Variants in PRORP observed in about 807,000 individuals in gnomAD.
The protein encoded by PRORP is protein only RNase P catalytic subunit.
Under a neutral mutation model 59.4 loss-of-function variants are expected in PRORP, and 51 were observed. The ratio of observed to expected loss-of-function variants is 0.86; its 90% CI spans 0.69 to 1.08. The LOEUF (loss-of-function observed/expected upper bound fraction) is 1.08, where lower values mean the gene tolerates loss of function less well. PRORP is among the 50% of genes least tolerant of loss of function. The probability of loss-of-function intolerance (pLI) is 0.00; values close to 1 mark genes in which losing one functional copy is unlikely to be tolerated. For synonymous variants in PRORP, 231 were observed against 245.6 expected (o/e 0.94, Z 0.55); for missense variants, 646 against 690.3 (o/e 0.94, Z 0.72).
intron 4 of PRORP, among the ~76,000 whole-genome samples, chr14:35,171,111 A>G (rs561971258): frequency 5.3e-5 from 8 of 152,116 alleles, no homozygotes; most frequent in African/African-American, 1.4e-4. Flanking sequence ...GGCCTCCCAA[A>G]GTGCTGGGAT....
intron 4 of PRORP, among the ~76,000 whole-genome samples, chr14:35,179,902 A>G (rs1219666514): frequency 2.0e-5 from 3 of 152,128 alleles, no homozygotes; most frequent in Non-Finnish European, 2.9e-5. Flanking sequence ...TGACAGACAG[A>G]TGGGGTTTTG....
At chr14:35,165,735 A>G (rs911412359) in intron 4 of PRORP, among the ~76,000 whole-genome samples, 5 of 151,812 alleles carry the variant, frequency 3.3e-5, no homozygotes, top group Non-Finnish European at 7.4e-5. Flanking sequence ...GCTGGAGTGC[A>G]GTGGCATGAT....
chr14:35,219,035 C>A (rs2049698403), intron 5 of PRORP: 3 of 152,148 alleles, frequency 2.0e-5, no homozygotes, highest in Admixed American at 2.0e-4. Flanking sequence ...AGGGCCATTT[C>A]TTGGTAATGT....
chr14:35,273,946 T>C lies in PRORP; in HGVS notation c.*380T>C, dbSNP rs1431891566. On this transcript the variant is annotated 3_prime_UTR_variant, in exon 8 of 8. Transcript: ENST00000534898. The stretch of plus-strand genomic sequence containing the variant: ...AGAATCAATCCATCTGTCCCTGAGA[T>C]ACTCATGTTGTTTCAAATGCCTCCT... The C allele has an allele frequency of 6.1e-6, 1 of 162,696 alleles. No individual in the cohort carries two copies. Among genetic ancestry groups the C allele is most frequent in the Non-Finnish European group, 1.3e-5 (1 of 75,022 alleles). 10.1% of individuals were successfully genotyped at this position (162,696 alleles called of 1,614,324 possible).
chr14:35,251,372 C>A (rs571372257), intron 5 of PRORP, among the ~76,000 whole-genome samples: 1 of 152,196 alleles, frequency 6.6e-6, no homozygotes, highest in Non-Finnish European at 1.5e-5. Flanking sequence ...TTTTATATTA[C>A]CACTTAGGAA....
intron 5 of PRORP, among the ~76,000 whole-genome samples, chr14:35,205,176 T>C (rs573243794): frequency 3.9e-5 from 6 of 152,238 alleles, no homozygotes; most frequent in Admixed American, 3.3e-4. Context: ...TAAAAAAATA[T>C]GCAGTTTTTG....
intron 4 of PRORP, among the ~76,000 whole-genome samples, chr14:35,180,350 A>G (rs2048572149): frequency 6.6e-6 from 1 of 152,334 alleles, no homozygotes; most frequent in South Asian, 2.1e-4. Context: ...CATTCTTATC[A>G]TAACTATCAT....
chr14:35,188,941 T>TAAA (rs748540239), intron 5 of PRORP, among the ~76,000 whole-genome samples: 1 of 47,490 alleles, frequency 2.1e-5, no homozygotes, highest in African/African-American at 8.8e-5. Context: ...AGACTCTGTC[T>TAAA]AAAAAAAAAA....
chr14:35,264,300 G>T (rs560094363), intron 5 of PRORP, among the ~76,000 whole-genome samples: 1 of 151,830 alleles, frequency 6.6e-6, no homozygotes, highest in Non-Finnish European at 1.5e-5. Context: ...GCTAATTTTT[G>T]TATTTTTAGT....
intron 5 of PRORP, among the ~76,000 whole-genome samples, chr14:35,212,833 ACTTCT>A (rs1226314319): frequency 6.6e-6 from 1 of 152,152 alleles, no homozygotes; most frequent in Non-Finnish European, 1.5e-5. Flanking sequence ...CCAGGCATTG[ACTTCT>A]CTTCTCTAGT....
chr14:35,220,754 C>T (rs1484983001), intron 5 of PRORP, among the ~76,000 whole-genome samples: 2 of 152,058 alleles, frequency 1.3e-5, no homozygotes, highest in East Asian at 3.8e-4. Context: ...GGCTTTTATT[C>T]TATTCATTCA....
At chr14:35,218,307 A>G (rs957743762) in intron 5 of PRORP, among the ~76,000 whole-genome samples, 2 of 151,626 alleles carry the variant, frequency 1.3e-5, no homozygotes, top group African/African-American at 2.4e-5. Context: ...AAAAAAATTA[A>G]AAAATTGGCT....
intron 5 of PRORP, among the ~76,000 whole-genome samples, chr14:35,209,041 A>G (rs530134194): frequency 6.6e-6 from 1 of 152,078 alleles, no homozygotes; most frequent in South Asian, 2.1e-4. Flanking sequence ...AAAAAATAAA[A>G]ATAAAAATAA....
rs1045571781 is a variant in PRORP at position 35,274,502 on chromosome 14, G to A, written c.*936G>A. The A allele has an allele frequency of 2.0e-5, 3 of 152,080 alleles. No homozygotes were observed. The highest frequency in any genetic ancestry group is 7.2e-5 in the African/African-American group (3 of 41,404). The allele number at this position is 152,080 out of a possible 1,614,324, so 9.4% of individuals were successfully genotyped here. A position where few individuals can be genotyped will look rare whatever the true frequency, so the allele number is the denominator to read the frequency against. ...ATTTCTACAAAAAATTTAAAAATTA[G>A]CCAGGCATGGTAGTTTGCACACATA... On this transcript the variant is annotated 3_prime_UTR_variant, in exon 8 of 8. Coordinates refer to ENST00000534898, the MANE Select transcript of PRORP (RefSeq NM_014672.4).
intron 4 of PRORP, among the ~76,000 whole-genome samples, chr14:35,171,171 G>A (rs546662277): frequency 3.4e-4 from 52 of 151,816 alleles, no homozygotes; most frequent in African/African-American, 1.2e-3. Flanking sequence ...TGTAGAGACA[G>A]TATCTTGCTG....
At chr14:35,158,059 C>G (rs1294104029) in intron 4 of PRORP, 1 of 243,576 alleles carries the variant, frequency 4.1e-6, no homozygotes, top group Non-Finnish European at 8.4e-6. Flanking sequence ...GCTCATGGCA[C>G]TGCCATTGGA....
chr14:35,143,073 T>G (rs1244038321), intron 4 of PRORP, among the ~76,000 whole-genome samples: 1 of 146,208 alleles, frequency 6.8e-6, no homozygotes. Flanking sequence ...AGAAATACTT[T>G]AGAATTGCAG....
chr14:35,162,284 T>C (rs756112021), intron 4 of PRORP, among the ~76,000 whole-genome samples: 1 of 152,136 alleles, frequency 6.6e-6, no homozygotes, highest in African/African-American at 2.4e-5. Flanking sequence ...TTAATTTTGA[T>C]TGGCCTTCAT....
intron 5 of PRORP, among the ~76,000 whole-genome samples, chr14:35,236,096 C>CAAA (rs59458917): frequency 2.1e-3 from 128 of 62,212 alleles, no homozygotes; most frequent in Non-Finnish European, 2.4e-3. Context: ...ACCCCATCTC[C>CAAA]AAAAAAAAAA....
Sources: gnomAD v4.1 joint callset for allele counts (sites outside exome capture counted in the v4.1 genomes callset) on GRCh38, gnomAD v4.1.1 for gene constraint, MANE v1.5 for transcripts, NCBI Gene and HGNC (gene_info 2026-07-23, HGNC 2026-07-21) for gene names.